The following PTBP2 variants were observed in gnomAD, a reference collection of about 807,000 sequenced individuals.
PTBP2 encodes polypyrimidine tract-binding protein 2.
Under a neutral mutation model 61.4 loss-of-function variants are expected in PTBP2, and 13 were observed. That is an observed-to-expected ratio of 0.21 (90% CI 0.14 to 0.34). The LOEUF is 0.34. Among genes scored for constraint, PTBP2 ranks in the 10% least tolerant of loss-of-function variants. The probability of loss-of-function intolerance (pLI) is 1.00; values close to 1 mark genes in which losing one functional copy is unlikely to be tolerated. For missense variants in PTBP2, 405 were observed against 642.6 expected (o/e 0.63, Z 4.00); for synonymous variants, 215 against 218.5 (o/e 0.98, Z 0.14).
intron 5 of PTBP2, among the ~76,000 whole-genome samples, chr1:96,775,451 T>C (rs1657924563): frequency 6.6e-6 from 1 of 152,184 alleles, no homozygotes; most frequent in African/African-American, 2.4e-5. Flanking sequence ...TGTATAGTAA[T>C]AAAAATGAAC....
At chr1:96,726,699 A>AG (rs1460569061) in intron 2 of PTBP2, among the ~76,000 whole-genome samples, 4 of 152,054 alleles carry the variant, frequency 2.6e-5, no homozygotes, top group Admixed American at 2.6e-4. Context: ...GGCCTCCCAA[A>AG]GTGCTGGGAT....
At chr1:96,784,157 G>A (rs180769344) in intron 7 of PTBP2, among the ~76,000 whole-genome samples, 11 of 152,156 alleles carry the variant, frequency 7.2e-5, no homozygotes, top group African/African-American at 2.2e-4. Context: ...TCTCTAGTTT[G>A]TTTCCAGCTT....
intron 8 of PTBP2, among the ~76,000 whole-genome samples, chr1:96,793,336 G>C (rs1358464993): frequency 6.6e-6 from 1 of 152,110 alleles, no homozygotes; most frequent in Non-Finnish European, 1.5e-5. Context: ...AGCTAAAGTA[G>C]ATAGAGTTGT....
intron 3 of PTBP2, among the ~76,000 whole-genome samples, chr1:96,762,805 G>T (rs148178249): frequency 0.013 from 2,021 of 150,904 alleles, 26 homozygotes; most frequent in Middle Eastern, 0.054. Context: ...GGGCGGAGGG[G>T]CTCCTCACTT....
At position 96,801,280 on chromosome 1, in the gene PTBP2, T is replaced by C. The variant is rs549607801; in HGVS notation, c.905-3520T>C. Among the ~76,000 whole-genome samples, 9 of 152,322 alleles carry C rather than the reference T, an allele frequency of 5.9e-5. No homozygotes were observed. In the East Asian group the frequency reaches 1.7e-3, roughly 29 times the overall value. ...CTTTTAAAAAACATGTGTCATATAT[T>C]ACAGCATTTTCTTTTATTTGAAGTG... is the stretch of plus-strand genomic sequence containing the variant. On this transcript the variant is annotated intron_variant, in intron 8 of 13. Transcript: ENST00000674951.
chr1:96,764,612 ACT>A lies in PTBP2; in HGVS notation c.116-5088_116-5087del, dbSNP rs550103709. 1.2e-3 allele frequency among the ~76,000 whole-genome samples: 183 copies of A among 151,808 alleles called. 1 individual carries two copies. Among genetic ancestry groups the A allele is most frequent in the Middle Eastern group, 3.4e-3 (1 of 294 alleles). On this transcript the variant is annotated intron_variant, in intron 3 of 13. Coordinates refer to ENST00000674951, the MANE Select transcript of PTBP2 (RefSeq NM_021190.4). ...TAGAGTCTGGAACATTTTACTTAGA[ACT>A]CTTTTAAGATTTTCATTTTAACTTT...
chr1:96,726,525 C>T lies in PTBP2; in HGVS notation c.39+2931C>T, dbSNP rs1171609930. ...CGATCTCTGCTCACTGCAACCTCTG[C>T]CTCCTGGGTTCACGCCATTCTCCTG... is the stretch of plus-strand genomic sequence containing the variant. On this transcript the variant is annotated intron_variant, in intron 2 of 13. Coordinates refer to ENST00000674951, the MANE Select transcript of PTBP2 (RefSeq NM_021190.4). Among the ~76,000 whole-genome samples the T allele has an allele frequency of 2.0e-5, 3 of 152,010 alleles. 1 individual carries two copies. The highest frequency in any genetic ancestry group is 4.1e-4 in the South Asian group (2 of 4,820).
intron 3 of PTBP2, among the ~76,000 whole-genome samples, chr1:96,766,545 T>C (rs543066796): frequency 9.2e-5 from 14 of 152,304 alleles, no homozygotes; most frequent in African/African-American, 2.9e-4. Flanking sequence ...AGCTAATGTT[T>C]CCATTTTTGG....
intron 5 of PTBP2, among the ~76,000 whole-genome samples, chr1:96,774,494 A>G (rs1657793677): frequency 6.6e-6 from 1 of 152,172 alleles, no homozygotes; most frequent in African/African-American, 2.4e-5. Flanking sequence ...TAGGCATTTT[A>G]ATAGAGTTTC....
At chr1:96,756,855 A>AG (rs1266741764) in intron 3 of PTBP2, among the ~76,000 whole-genome samples, 1 of 152,240 alleles carries the variant, frequency 6.6e-6, no homozygotes, top group African/African-American at 2.4e-5. Context: ...CTATAATGAT[A>AG]GATACATGTC....
intron 5 of PTBP2, chr1:96,771,202 A>G (rs1333717047): frequency 6.4e-6 from 1 of 156,530 alleles, no homozygotes; most frequent in African/African-American, 2.4e-5. Context: ...ATAGGTCTTA[A>G]TTTCTTACGG....
At chr1:96,762,355 G>A (rs1446724154) in intron 3 of PTBP2, among the ~76,000 whole-genome samples, 2 of 150,352 alleles carry the variant, frequency 1.3e-5, no homozygotes, top group South Asian at 2.1e-4. Flanking sequence ...GGGCAGAGGC[G>A]CCCCTCACCT....
At chr1:96,733,094 A>T (rs1651676095) in intron 2 of PTBP2, among the ~76,000 whole-genome samples, 1 of 151,186 alleles carries the variant, frequency 6.6e-6, no homozygotes. Context: ...TGTAGGTGAG[A>T]AATCTGACAC....
chr1:96,803,234 T>C (rs912504968), intron 8 of PTBP2, among the ~76,000 whole-genome samples: 3 of 152,140 alleles, frequency 2.0e-5, no homozygotes, highest in Admixed American at 2.0e-4. Flanking sequence ...AATTGGACCC[T>C]AATTTCTGAG....
chr1:96,768,499 T>A (rs1034670903), intron 3 of PTBP2, among the ~76,000 whole-genome samples: 1 of 152,050 alleles, frequency 6.6e-6, no homozygotes, highest in Non-Finnish European at 1.5e-5. Flanking sequence ...TTTCTGAATG[T>A]GTCAAGATCC....
chr1:96,728,875 A>C (rs954301181), intron 2 of PTBP2, among the ~76,000 whole-genome samples: 3 of 151,456 alleles, frequency 2.0e-5, no homozygotes, highest in African/African-American at 7.3e-5. Context: ...TTTACCCATA[A>C]GTATTTTATG....
chr1:96,806,975 T>G lies in PTBP2; in HGVS notation c.1171+17T>G, dbSNP rs368630888. ...CACAACTTGGTAAGATTAAACTATG[T>G]TTTATCTATACATCTTCACTTCTGC... On this transcript the variant is annotated intron_variant, in intron 11 of 13. Transcript: ENST00000674951. 9.7e-4 allele frequency: 1,521 copies of G among 1,563,732 alleles called. No homozygotes were observed. The highest frequency in any genetic ancestry group is 1.4e-3 in the Admixed American group (76 of 56,038).
At chr1:96,811,695 C>A (rs553064748) in intron 11 of PTBP2, among the ~76,000 whole-genome samples, 1 of 152,258 alleles carries the variant, frequency 6.6e-6, no homozygotes, top group South Asian at 2.1e-4. Context: ...GGATTACAGG[C>A]GTGAGCCAAC....
chr1:96,812,642 T>TA (rs1662196451), intron 11 of PTBP2, 70 bp from the exon 12 acceptor site: 10 of 1,228,982 alleles, frequency 8.1e-6, no homozygotes, highest in East Asian at 2.5e-5. Context: ...TTTAAACTGT[T>TA]ACGTTAAAAG....
Sources: allele counts gnomAD v4.1 joint callset (sites outside exome capture counted in the v4.1 genomes callset), GRCh38; gene constraint gnomAD v4.1.1; transcripts MANE v1.5; gene names NCBI Gene and HGNC (gene_info 2026-07-23, HGNC 2026-07-21).